Variants in UMAD1 observed in about 807,000 individuals in gnomAD.
UMAD1 encodes UBAP1-MVB12-associated (UMA) domain containing 1.
UMAD1 carries 8 observed loss-of-function variants against 6.1 expected under a neutral mutation model. The observed-to-expected ratio is 1.30, with a 90% CI of 0.76 to 2.35. The LOEUF is 2.35. UMAD1 is among the 30% of genes most tolerant of loss of function. The pLI is 0.00. For missense variants in UMAD1, 130 were observed against 78.4 expected, an observed-to-expected ratio of 1.66 and a Z score of -2.49; for synonymous variants, 56 against 31.4, an observed-to-expected ratio of 1.78 and a Z score of -2.61.
At chr7:7,811,634 G>A (rs1464786003) in intron 3 of UMAD1, among the ~76,000 whole-genome samples, 7 of 152,144 alleles carry the variant, frequency 4.6e-5, no homozygotes, top group South Asian at 2.1e-4. Context: ...TTTGGAAAGC[G>A]AACTGGGGTT....
At chr7:7,731,181 TAG>T (rs969564848) in intron 2 of UMAD1, among the ~76,000 whole-genome samples, 2 of 151,714 alleles carry the variant, frequency 1.3e-5, no homozygotes, top group African/African-American at 4.9e-5. Context: ...GTATTTTCAG[TAG>T]AGAGGGGGGG....
intron 2 of UMAD1, among the ~76,000 whole-genome samples, chr7:7,700,927 G>C (rs1780445802): frequency 1.3e-5 from 2 of 152,106 alleles, no homozygotes; most frequent in African/African-American, 4.8e-5. Flanking sequence ...GTGCATACCT[G>C]TAGTCCCACC....
intron 3 of UMAD1, among the ~76,000 whole-genome samples, chr7:7,834,046 G>A (rs1363016913): frequency 2.3e-5 from 3 of 132,276 alleles, no homozygotes; most frequent in South Asian, 2.4e-4. Flanking sequence ...TTTTTGAGAC[G>A]GAGTCTTGCT....
At chr7:7,752,680 T>C (rs1781700690) in intron 2 of UMAD1, among the ~76,000 whole-genome samples, 1 of 152,080 alleles carries the variant, frequency 6.6e-6, no homozygotes, top group African/African-American at 2.4e-5. Context: ...ATGTGGAAAA[T>C]TGTGTTATAA....
In UMAD1 at chr7:7,649,102, A is replaced by G. The variant is rs1261175052; in HGVS notation, c.-64+8281A>G. On this transcript the variant is annotated intron_variant, in intron 1 of 3. Transcript: ENST00000682710. ...GAACCCAGGAAGTGGAGATTGCAGTAAGCCAAGATTGTGCCACTGCACTCC... is the reference window on the plus strand; with the variant it reads ...GAACCCAGGAAGTGGAGATTGCAGTGAGCCAAGATTGTGCCACTGCACTCC... 3.3e-5 allele frequency among the ~76,000 whole-genome samples: 5 copies of G among 149,470 alleles called. No individual in the cohort carries two copies. The South Asian group carries it at 6.4e-4, about 19-fold the overall frequency.
At chr7:7,816,298 G>A (rs755549315) in intron 3 of UMAD1, among the ~76,000 whole-genome samples, 1 of 152,126 alleles carries the variant, frequency 6.6e-6, no homozygotes, top group Non-Finnish European at 1.5e-5. Context: ...TATAAATAAC[G>A]CTGCAGAAAC....
In UMAD1 at chr7:7,847,112, T is replaced by A. The variant is rs1283527612; in HGVS notation, c.157-30169T>A. ...CAAAAAAAAAAAAAAAAAATATATA[T>A]ATATATATATATATATATATATATA... On this transcript the variant is annotated intron_variant, in intron 3 of 3. Coordinates refer to ENST00000682710, the MANE Select transcript of UMAD1 (RefSeq NM_001302348.2). Among the ~76,000 whole-genome samples, 76 of 7,944 alleles carry A rather than the reference T, an allele frequency of 9.6e-3. 11 individuals are homozygous for A. The highest frequency in any genetic ancestry group is 0.079 in the African/African-American group (69 of 870). 5.2% of individuals were successfully genotyped at this position (7,944 alleles called of 152,430 possible).
intron 2 of UMAD1, among the ~76,000 whole-genome samples, chr7:7,726,181 G>A (rs952666345): frequency 6.6e-6 from 1 of 152,240 alleles, no homozygotes; most frequent in Non-Finnish European, 1.5e-5. Flanking sequence ...GTCAAAAACT[G>A]TGAAGATATT....
intron 2 of UMAD1, among the ~76,000 whole-genome samples, chr7:7,753,019 G>T (rs1240239199): frequency 1.3e-5 from 2 of 152,036 alleles, no homozygotes; most frequent in African/African-American, 4.8e-5. Flanking sequence ...ATTCCAGAAG[G>T]CATAAAGTGA....
intron 1 of UMAD1, among the ~76,000 whole-genome samples, chr7:7,649,381 C>G (rs936707613): frequency 2.6e-5 from 4 of 152,066 alleles, no homozygotes; most frequent in Non-Finnish European, 5.9e-5. Flanking sequence ...TTAACCCACT[C>G]TAGCAATAAT....
chr7:7,814,140 C>T (rs1010547042), intron 3 of UMAD1, among the ~76,000 whole-genome samples: 9 of 152,042 alleles, frequency 5.9e-5, no homozygotes, highest in Non-Finnish European at 1.0e-4. Flanking sequence ...CCCAACACCA[C>T]GCCCAGCTAA....
chr7:7,784,953 G>A (rs1430214946), intron 2 of UMAD1, among the ~76,000 whole-genome samples: 2 of 151,912 alleles, frequency 1.3e-5, no homozygotes, highest in Non-Finnish European at 2.9e-5. Flanking sequence ...TAGTAGAGAC[G>A]GGGTTTCACC....
chr7:7,857,334 GA>G (rs371515128), intron 3 of UMAD1, among the ~76,000 whole-genome samples: 44 of 152,300 alleles, frequency 2.9e-4, no homozygotes, highest in African/African-American at 9.1e-4. Flanking sequence ...ATTGGTTCAG[GA>G]ATCATGTTAA....
At chr7:7,691,715 T>C (rs569313707) in intron 2 of UMAD1, among the ~76,000 whole-genome samples, 10 of 152,342 alleles carry the variant, frequency 6.6e-5, no homozygotes, top group Admixed American at 4.6e-4. Flanking sequence ...TTCTATGTAT[T>C]TAAAGAGACT....
intron 1 of UMAD1, among the ~76,000 whole-genome samples, chr7:7,658,855 G>A (rs1785407086): frequency 6.6e-6 from 1 of 152,052 alleles, no homozygotes; most frequent in Admixed American, 6.5e-5. Context: ...TTTTTCTATT[G>A]TTTGGAATAG....
intron 1 of UMAD1, among the ~76,000 whole-genome samples, chr7:7,657,718 TGTA>T (rs1235857161): frequency 6.6e-6 from 1 of 152,212 alleles, no homozygotes; most frequent in African/African-American, 2.4e-5. Context: ...ACTGTAGTCT[TGTA>T]GTATAGTTTG....
rs142727166 is a variant in UMAD1, at chr7:7,790,953, C to T, written c.83-10717C>T. Among the ~76,000 whole-genome samples the T allele has an allele frequency of 2.8e-4, 43 of 152,250 alleles. No homozygotes were observed. In the East Asian group the frequency reaches 7.9e-3, roughly 28 times the overall value. ...CTGTCCAGGCTGGGGTGCAATGGTG[C>T]GATCTTGGCTCACTGCAACCTCCGC... On this transcript the variant is annotated intron_variant, in intron 2 of 3. Coordinates refer to ENST00000682710, the MANE Select transcript of UMAD1 (RefSeq NM_001302348.2).
intron 2 of UMAD1, among the ~76,000 whole-genome samples, chr7:7,686,586 A>G (rs530963591): frequency 6.8e-4 from 103 of 152,334 alleles, no homozygotes; most frequent in African/African-American, 2.4e-3. Flanking sequence ...TTGACAGAGT[A>G]AGTCAGAGAA....
chr7:7,877,150 G>GAC, intron 3 of UMAD1, 131 bp from the exon 4 acceptor site: 1 of 605,150 alleles, frequency 1.7e-6, no homozygotes, highest in Non-Finnish European at 3.0e-6. Flanking sequence ...AAAGTAAAGA[G>GAC]CTGCGTTCAA....
Sources: gnomAD v4.1 joint callset for allele counts (sites outside exome capture counted in the v4.1 genomes callset) on GRCh38, gnomAD v4.1.1 for gene constraint, MANE v1.5 for transcripts, NCBI Gene and HGNC (gene_info 2026-07-23, HGNC 2026-07-21) for gene names.